EMILIN2: variants seen among roughly 807,000 people sequenced by gnomAD.
EMILIN2 encodes the protein EMILIN-2.
EMILIN2 carries 71 observed loss-of-function variants against 87.1 expected under a neutral mutation model. That is an observed-to-expected ratio of 0.82 (90% CI 0.67 to 0.99). The LOEUF is 0.99. Ranked by LOEUF, EMILIN2 falls within the 50% of genes least tolerant of loss-of-function variation. EMILIN2 has a pLI of 0.00. For missense variants in EMILIN2, 1,407 were observed against 1,371.8 expected, an observed-to-expected ratio of 1.03 and a Z score of -0.40; for synonymous variants, 581 against 563.4, an observed-to-expected ratio of 1.03 and a Z score of -0.44.
At chr18:2,911,921 A>G (rs1223189235) in intron 7 of EMILIN2, among the ~76,000 whole-genome samples, 1 of 141,700 alleles carries the variant, frequency 7.1e-6, no homozygotes, top group Non-Finnish European at 1.6e-5. Flanking sequence ...TACCTTAGGA[A>G]GCATCTGGAA....
intron 7 of EMILIN2, among the ~76,000 whole-genome samples, chr18:2,911,950 G>A (rs1381620047): frequency 1.3e-5 from 2 of 151,218 alleles, no homozygotes; most frequent in Non-Finnish European, 2.9e-5. Context: ...GTTACTTGCT[G>A]TTCAAAGTTG....
At chr18:2,866,283 C>T (rs1229464880) in intron 2 of EMILIN2, among the ~76,000 whole-genome samples, 6 of 152,212 alleles carry the variant, frequency 3.9e-5, no homozygotes, top group African/African-American at 7.2e-5. Flanking sequence ...TCTTCTGCGT[C>T]GCTCACGCTG....
At chr18:2,853,433 G>A (rs1369107106) in intron 2 of EMILIN2, among the ~76,000 whole-genome samples, 1 of 152,142 alleles carries the variant, frequency 6.6e-6, no homozygotes, top group African/African-American at 2.4e-5. Context: ...GCTGGTTTTA[G>A]GGACAGATAT....
Position 2,847,322 on chromosome 18 carries a change from A to G in EMILIN2, c.134A>G (p.Lys45Arg). 1 of 1,316,442 alleles carries G rather than the reference A, an allele frequency of 7.6e-7. No individual in the cohort carries two copies. The highest frequency in any genetic ancestry group is 9.7e-7 in the Non-Finnish European group (1 of 1,035,852). 81.5% of individuals were successfully genotyped at this position (1,316,442 alleles called of 1,614,324 possible). Residue 45 changes from lysine to arginine, a missense_variant and splice_region_variant, in exon 1 of 8, where the codon AAG becomes AGG. Lys to Arg is a conservative substitution (Grantham distance 26, BLOSUM62 2). Transcript: ENST00000254528. The surrounding 1 kb of genome is among the most constrained non-coding windows in gnomAD (Gnocchi z 4.5). ...GYPARPSARN[K>R]NWCAYIVNKN... Reference sequence around the variant, plus strand: ...CCCGCGCGGCCCAGCGCCAGGAACAAGTAAGTGCGCGCCCCTTGGCTGGCC... The same window carrying G: ...CCCGCGCGGCCCAGCGCCAGGAACAGGTAAGTGCGCGCCCCTTGGCTGGCC...
intron 2 of EMILIN2, among the ~76,000 whole-genome samples, chr18:2,862,648 C>T (rs1173934782): frequency 2.0e-5 from 3 of 152,074 alleles, no homozygotes; most frequent in African/African-American, 4.8e-5. Context: ...ATTTTTGCAT[C>T]GATGTTCATC....
At chr18:2,854,783 A>C (rs966233621) in intron 2 of EMILIN2, among the ~76,000 whole-genome samples, 2 of 152,204 alleles carry the variant, frequency 1.3e-5, no homozygotes, top group African/African-American at 4.8e-5. Flanking sequence ...GACAGAGTCA[A>C]AAACAAAACA....
rs2076826553 is a variant in EMILIN2 at position 2,890,058 on chromosome 18, T to C, written c.434-503T>C. Among the ~76,000 whole-genome samples, 1 of 152,212 alleles carries C rather than the reference T, an allele frequency of 6.6e-6. No individual in the cohort carries two copies. The highest frequency in any genetic ancestry group is 1.5e-5 in the Non-Finnish European group (1 of 68,032). On this transcript the variant is annotated intron_variant, in intron 3 of 7. Coordinates refer to ENST00000254528, the MANE Select transcript of EMILIN2 (RefSeq NM_032048.3). This position sits in a 1 kb window ranked among gnomAD's most constrained non-coding sequence, Gnocchi z 4.7. Reference sequence around the variant, plus strand: ...TTGAGGATAACATCAGAAAATATGATATCATATGATATCACCATCCAACAG... The same window carrying C: ...TTGAGGATAACATCAGAAAATATGACATCATATGATATCACCATCCAACAG...
At position 2,913,649 on chromosome 18, in the gene EMILIN2, G is replaced by C; in HGVS notation, c.*245G>C. ...CTCTAACTGGACAACTGGAAGACTT[G>C]GAAAGGCCTCCACCTGTATCTACAC... On this transcript the variant is annotated 3_prime_UTR_variant, in exon 8 of 8. Transcript: ENST00000254528. 1 of 482,476 alleles carries C rather than the reference G, an allele frequency of 2.1e-6. No homozygotes were observed. 29.9% of individuals were successfully genotyped at this position (482,476 alleles called of 1,614,324 possible). A position where few individuals can be genotyped will look rare whatever the true frequency, so the allele number is the denominator to read the frequency against.
At chr18:2,858,567 ATATGTG>A (rs1206283774) in intron 2 of EMILIN2, among the ~76,000 whole-genome samples, 26 of 58,774 alleles carry the variant, frequency 4.4e-4, no homozygotes, top group Non-Finnish European at 6.5e-4. Flanking sequence ...ATATATATAT[ATATGTG>A]TGTGTGTGTG....
intron 2 of EMILIN2, among the ~76,000 whole-genome samples, chr18:2,850,470 A>G (rs1025246806): frequency 1.3e-5 from 2 of 151,892 alleles, no homozygotes; most frequent in South Asian, 2.1e-4. Flanking sequence ...CAGTGGCACC[A>G]TCATAGTTCA....
At chr18:2,872,588 G>A (rs623561) in intron 2 of EMILIN2, among the ~76,000 whole-genome samples, 89,643 of 152,054 alleles carry the variant, frequency 0.59, 26,994 homozygotes, top group African/African-American at 0.69. Flanking sequence ...GATACAGTAG[G>A]TTCTAGTTAA....
At chr18:2,872,476 C>G (rs1370225590) in intron 2 of EMILIN2, among the ~76,000 whole-genome samples, 1 of 152,184 alleles carries the variant, frequency 6.6e-6, no homozygotes, top group Admixed American at 6.5e-5. Context: ...CCTGCCTCGG[C>G]CTCCCACAGT....
chr18:2,865,524 G>A (rs919859790), intron 2 of EMILIN2, among the ~76,000 whole-genome samples: 7 of 152,196 alleles, frequency 4.6e-5, no homozygotes, highest in African/African-American at 7.2e-5. Flanking sequence ...GCAGAACAGC[G>A]GATATTGGTG....
chr18:2,905,014 C>G (rs2076903331), intron 4 of EMILIN2, among the ~76,000 whole-genome samples: 1 of 152,172 alleles, frequency 6.6e-6, no homozygotes, highest in Non-Finnish European at 1.5e-5. Context: ...TAGCTGGTAT[C>G]TGCATGTTTT....
chr18:2,862,398 G>A (rs909885426), intron 2 of EMILIN2, among the ~76,000 whole-genome samples: 16 of 152,174 alleles, frequency 1.1e-4, no homozygotes, highest in Non-Finnish European at 2.2e-4. Flanking sequence ...ATTATTTTGA[G>A]ATACGTCCCA....
chr18:2,867,125 A>G (rs1267846081), intron 2 of EMILIN2, among the ~76,000 whole-genome samples: 2 of 151,954 alleles, frequency 1.3e-5, no homozygotes, highest in East Asian at 3.9e-4. Context: ...TTTTGCATCT[A>G]TGTTCATCAG....
At chr18:2,909,129 G>A (rs1392511922) in intron 6 of EMILIN2, among the ~76,000 whole-genome samples, 154 bp downstream of exon 6, 1 of 152,156 alleles carries the variant, frequency 6.6e-6, no homozygotes, top group Non-Finnish European at 1.5e-5. Flanking sequence ...ACAGCCCTCT[G>A]CTGACTATAG....
rs369869739 is a variant in EMILIN2, at chr18:2,911,659, C to T, written c.2825-1408C>T. 3.3e-5 allele frequency among the ~76,000 whole-genome samples: 5 copies of T among 152,330 alleles called. No individual in the cohort carries two copies. The East Asian group carries it at 9.6e-4, about 29-fold the overall frequency. ...CCCATCTGCCTGACTGTAACAAGGCCATGCTCCCCAGGTCACTCTGCACTG... is the reference window on the plus strand; with the variant it reads ...CCCATCTGCCTGACTGTAACAAGGCTATGCTCCCCAGGTCACTCTGCACTG... On this transcript the variant is annotated intron_variant, in intron 7 of 7. Transcript: ENST00000254528.
intron 2 of EMILIN2, among the ~76,000 whole-genome samples, chr18:2,874,480 G>C (rs150899823): frequency 3.6e-4 from 54 of 152,028 alleles, no homozygotes; most frequent in Non-Finnish European, 6.5e-4. Flanking sequence ...TCTTTATCTC[G>C]CTAAGCAGCC....
Sources: allele counts gnomAD v4.1 joint callset (sites outside exome capture counted in the v4.1 genomes callset), GRCh38; gene constraint gnomAD v4.1.1; non-coding constraint Gnocchi (gnomAD v3.1); transcripts MANE v1.5; gene names NCBI Gene and HGNC (gene_info 2026-07-23, HGNC 2026-07-21).